ASAP1: variants seen among roughly 807,000 people sequenced by gnomAD.
ASAP1 encodes ArfGAP with SH3 domain, ankyrin repeat and PH domain 1, also known as arf-GAP with SH3 domain, ANK repeat and PH domain-containing protein 1.
ASAP1 carries 43 observed loss-of-function variants against 145.2 expected under a neutral mutation model. The observed-to-expected ratio is 0.30, with a 90% CI of 0.23 to 0.38. ASAP1 has a LOEUF of 0.38. Ranked by LOEUF, ASAP1 falls within the 10% of genes least tolerant of loss-of-function variation. The probability of loss-of-function intolerance (pLI) is 1.00; values close to 1 mark genes in which losing one functional copy is unlikely to be tolerated. For synonymous variants in ASAP1, 546 were observed against 515.5 expected, an observed-to-expected ratio of 1.06 and a Z score of -0.80; for missense variants, 1,018 against 1,355.3, an observed-to-expected ratio of 0.75 and a Z score of 3.91.
At chr8:130,224,115 G>A (rs147038072) in intron 4 of ASAP1, among the ~76,000 whole-genome samples, 3 of 152,218 alleles carry the variant, frequency 2.0e-5, no homozygotes, top group East Asian at 3.9e-4. Flanking sequence ...TCCCAGTGCT[G>A]AGCCTGGCAC....
intron 23 of ASAP1, among the ~76,000 whole-genome samples, chr8:130,114,961 T>C (rs1166080057): frequency 1.3e-5 from 2 of 152,036 alleles, no homozygotes; most frequent in East Asian, 3.9e-4. Flanking sequence ...GGTCTCACCA[T>C]TTTGCTTAGG....
At chr8:130,117,804 C>G (rs1352716387) in intron 20 of ASAP1, among the ~76,000 whole-genome samples, 1 of 152,206 alleles carries the variant, frequency 6.6e-6, no homozygotes, top group Non-Finnish European at 1.5e-5. Context: ...ATCTGTGCAG[C>G]AGATTTTTGG....
chr8:130,297,732 G>A lies in ASAP1; in HGVS notation c.186+60285C>T, dbSNP rs559572682. On this transcript the variant is annotated intron_variant, in intron 3 of 29. Coordinates refer to ENST00000518721, the MANE Select transcript of ASAP1 (RefSeq NM_018482.4). ...GACAAAGAAAACAAAGCGGGGGGGC[G>A]GGGAGCAGAGGTAGAGCTGGAAGAC... Among the ~76,000 whole-genome samples, 181 of 152,334 alleles carry A rather than the reference G, an allele frequency of 1.2e-3. 1 individual carries two copies. The highest frequency in any genetic ancestry group is 2.2e-3 in the Admixed American group (34 of 15,292).
intron 9 of ASAP1, among the ~76,000 whole-genome samples, chr8:130,176,878 C>T (rs1586522198): frequency 2.0e-5 from 3 of 151,954 alleles, no homozygotes; most frequent in Non-Finnish European, 4.4e-5. Context: ...TTAGTAGAAA[C>T]GGGGTTTTGC....
intron 3 of ASAP1, among the ~76,000 whole-genome samples, chr8:130,310,806 G>C (rs1337206760): frequency 6.6e-6 from 1 of 152,104 alleles, no homozygotes; most frequent in East Asian, 1.9e-4. Context: ...TTCTGAATGG[G>C]CTCAATGCAG....
At chr8:130,319,038 C>G (rs1210246392) in intron 3 of ASAP1, among the ~76,000 whole-genome samples, 1 of 152,248 alleles carries the variant, frequency 6.6e-6, no homozygotes, top group Non-Finnish European at 1.5e-5. Flanking sequence ...AAAGCAGTCA[C>G]TCCTATAATC....
chr8:130,349,461 A>T (rs1005147912), intron 3 of ASAP1, among the ~76,000 whole-genome samples: 2 of 152,256 alleles, frequency 1.3e-5, no homozygotes, highest in African/African-American at 4.8e-5. Context: ...TTAGCACACC[A>T]GGCACTGTTG....
intron 3 of ASAP1, among the ~76,000 whole-genome samples, chr8:130,272,499 G>T (rs1820647185): frequency 6.6e-6 from 1 of 152,084 alleles, no homozygotes; most frequent in Non-Finnish European, 1.5e-5. Flanking sequence ...CCACTACTGG[G>T]TATTTCTCCA....
chr8:130,181,870 C>T (rs1814379691), intron 7 of ASAP1, among the ~76,000 whole-genome samples: 1 of 152,178 alleles, frequency 6.6e-6, no homozygotes. Flanking sequence ...AATGCAAAGA[C>T]TAACTGATTT....
chr8:130,282,465 CT>C (rs1482194696), intron 3 of ASAP1, among the ~76,000 whole-genome samples: 3 of 152,226 alleles, frequency 2.0e-5, no homozygotes, highest in African/African-American at 7.2e-5. Flanking sequence ...TCTGAAACTG[CT>C]TAAGGTTCAC....
intron 5 of ASAP1, among the ~76,000 whole-genome samples, chr8:130,190,106 TTTG>T (rs1334088423): frequency 6.6e-6 from 1 of 152,220 alleles, no homozygotes; most frequent in African/African-American, 2.4e-5. Context: ...GTCTCTTCAC[TTTG>T]TTGATTGTTT....
At chr8:130,119,431 T>C (rs547323079) in intron 18 of ASAP1, among the ~76,000 whole-genome samples, 1 of 152,346 alleles carries the variant, frequency 6.6e-6, no homozygotes, top group Admixed American at 6.5e-5. Context: ...TAGTACTTTT[T>C]CCTTTTCTTG....
chr8:130,440,792 T>C (rs1830463892), intron 1 of ASAP1, among the ~76,000 whole-genome samples: 1 of 152,236 alleles, frequency 6.6e-6, no homozygotes, highest in Non-Finnish European at 1.5e-5. Flanking sequence ...GCAATCTCTC[T>C]GCCTGGCCAG....
At chr8:130,273,533 C>T (rs1363225641) in intron 3 of ASAP1, among the ~76,000 whole-genome samples, 2 of 152,166 alleles carry the variant, frequency 1.3e-5, no homozygotes, top group South Asian at 2.1e-4. Flanking sequence ...TTGCTATAAA[C>T]ACAGCAGCCA....
intron 2 of ASAP1, among the ~76,000 whole-genome samples, chr8:130,368,785 G>C (rs372057464): frequency 6.6e-6 from 1 of 152,210 alleles, no homozygotes; most frequent in African/African-American, 2.4e-5. Flanking sequence ...CGGGAGAGTC[G>C]TGGTGACCTC....
At chr8:130,312,041 G>A (rs534755513) in intron 3 of ASAP1, among the ~76,000 whole-genome samples, 2 of 152,042 alleles carry the variant, frequency 1.3e-5, no homozygotes, top group East Asian at 1.9e-4. Flanking sequence ...ACCAACCACT[G>A]TAAATATGTG....
chr8:130,264,931 G>A (rs1272867377), intron 3 of ASAP1, among the ~76,000 whole-genome samples: 1 of 152,124 alleles, frequency 6.6e-6, no homozygotes, highest in African/African-American at 2.4e-5. Flanking sequence ...CAAAGGAAAA[G>A]AAAAACATCT....
chr8:130,148,042 A>G (rs2135922987), intron 13 of ASAP1, among the ~76,000 whole-genome samples: 1 of 152,336 alleles, frequency 6.6e-6, no homozygotes, highest in East Asian at 1.9e-4. Context: ...CACTTGCATT[A>G]TCTTCATGAC....
At chr8:130,208,927 TA>T (rs201423638) in intron 5 of ASAP1, among the ~76,000 whole-genome samples, 4 of 149,950 alleles carry the variant, frequency 2.7e-5, no homozygotes, top group East Asian at 1.9e-4. Context: ...GCCATCCCCC[TA>T]AAAAAAAAGA....
Sources: allele counts gnomAD v4.1 joint callset (sites outside exome capture counted in the v4.1 genomes callset), GRCh38; gene constraint gnomAD v4.1.1; transcripts MANE v1.5; gene names NCBI Gene and HGNC (gene_info 2026-07-23, HGNC 2026-07-21).